Variants in MACC1 observed in about 807,000 individuals in gnomAD.
MACC1 encodes metastasis-associated in colon cancer protein 1.
In MACC1, 79 loss-of-function variants were observed where a neutral mutation model predicts 70.7. That is an observed-to-expected ratio of 1.12 (90% CI 0.93 to 1.35). The LOEUF is 1.35. Among genes scored for constraint, MACC1 ranks in the 40% most tolerant of loss-of-function variants. The probability of loss-of-function intolerance (pLI) is 0.00; values close to 1 mark genes in which losing one functional copy is unlikely to be tolerated. For synonymous variants in MACC1, 361 were observed against 347.2 expected (o/e 1.04, Z -0.44); for missense variants, 1,106 against 978.1 (o/e 1.13, Z -1.74).
chr7:20,194,991 GC>G (rs1782727760), intron 1 of MACC1, among the ~76,000 whole-genome samples: 1 of 152,052 alleles, frequency 6.6e-6, no homozygotes, highest in Non-Finnish European at 1.5e-5. Context: ...GAAAAAGCTT[GC>G]CCATTATGTC....
intron 1 of MACC1, among the ~76,000 whole-genome samples, chr7:20,214,799 T>C (rs1236562479): frequency 1.3e-5 from 2 of 152,186 alleles, no homozygotes; most frequent in African/African-American, 4.8e-5. Context: ...CTTAATGTTA[T>C]TGTTATTGAT....
At chr7:20,215,240 A>T (rs1373092374) in intron 1 of MACC1, among the ~76,000 whole-genome samples, 2 of 152,302 alleles carry the variant, frequency 1.3e-5, no homozygotes, top group African/African-American at 4.8e-5. Context: ...ATGAATTAGC[A>T]CTTACTCTCT....
chr7:20,175,827 A>C (rs1782382770), intron 1 of MACC1, among the ~76,000 whole-genome samples: 1 of 152,128 alleles, frequency 6.6e-6, no homozygotes. Context: ...CTGACGGTGA[A>C]GCTGGAGCAG....
In MACC1 at chr7:20,136,912, G is replaced by T. The variant is rs1034530734; in HGVS notation, c.*4034C>A. On this transcript the variant is annotated 3_prime_UTR_variant, in exon 7 of 7. Coordinates refer to ENST00000400331, the MANE Select transcript of MACC1 (RefSeq NM_182762.4). ...TTAAATTATATTATTAATTCTTAAA[G>T]ATTATTAATTATAATATTAAATTAT... 4.8e-5 allele frequency: 7 copies of T among 147,214 alleles called. No individual in the cohort carries two copies. The highest frequency in any genetic ancestry group is 3.9e-4 in the East Asian group (2 of 5,142). The allele number at this position is 147,214 out of a possible 1,614,324, so 9.1% of individuals were successfully genotyped here.
At chr7:20,197,973 G>T (rs572932059) in intron 1 of MACC1, among the ~76,000 whole-genome samples, 1 of 152,126 alleles carries the variant, frequency 6.6e-6, no homozygotes, top group African/African-American at 2.4e-5. Context: ...ATTTCAACAT[G>T]AACAATTTCA....
Position 20,170,782 on chromosome 7 carries a change from C to T in MACC1, c.-217-4G>A, listed in dbSNP as rs961008748. The T allele has an allele frequency of 2.6e-5, 4 of 152,194 alleles. No individual in the cohort carries two copies. Among genetic ancestry groups the T allele is most frequent in the African/African-American group, 9.7e-5 (4 of 41,442 alleles). The allele number at this position is 152,194 out of a possible 1,614,324, so 9.4% of individuals were successfully genotyped here. A position where few individuals can be genotyped will look rare whatever the true frequency, so the allele number is the denominator to read the frequency against. On this transcript the variant is annotated splice_polypyrimidine_tract_variant and splice_region_variant and intron_variant, in intron 1 of 6. Transcript: ENST00000400331. ...GCATATCATCTGACAAGGCTACCTA[C>T]TTGAAAGAGAATAAACATGAATCTT...
intron 1 of MACC1, among the ~76,000 whole-genome samples, chr7:20,209,372 G>A (rs1320018587): frequency 6.6e-6 from 1 of 152,254 alleles, no homozygotes; most frequent in African/African-American, 2.4e-5. Context: ...GGCCATAGGA[G>A]CCCACCTCTT....
chr7:20,188,102 C>T (rs1261773069), intron 1 of MACC1, among the ~76,000 whole-genome samples: 1 of 152,134 alleles, frequency 6.6e-6, no homozygotes, highest in African/African-American at 2.4e-5. Context: ...CACAAGATCT[C>T]CTGACAACTC....
intron 5 of MACC1, among the ~76,000 whole-genome samples, chr7:20,157,192 T>G (rs1165076726): frequency 2.6e-5 from 4 of 152,198 alleles, no homozygotes; most frequent in Admixed American, 6.5e-5. Context: ...AAATAAGCAC[T>G]AGAGAAGCAT....
At chr7:20,174,533 G>C (rs902996061) in intron 1 of MACC1, among the ~76,000 whole-genome samples, 11 of 152,104 alleles carry the variant, frequency 7.2e-5, no homozygotes, top group Admixed American at 3.9e-4. Flanking sequence ...ATAATGCCTT[G>C]TGTGGGTATA....
chr7:20,185,219 G>C (rs1477707819), intron 1 of MACC1: 5 of 152,156 alleles, frequency 3.3e-5, no homozygotes, highest in African/African-American at 1.2e-4. Context: ...AAGAAAGATT[G>C]CTCTTTCAAA....
intron 1 of MACC1, among the ~76,000 whole-genome samples, chr7:20,177,222 C>A (rs1203028756): frequency 6.6e-6 from 1 of 152,140 alleles, no homozygotes; most frequent in Non-Finnish European, 1.5e-5. Context: ...CGGAAATACA[C>A]AAGCACAGAA....
intron 1 of MACC1, among the ~76,000 whole-genome samples, chr7:20,180,890 A>C (rs1782494051): frequency 6.6e-6 from 1 of 152,174 alleles, no homozygotes; most frequent in Non-Finnish European, 1.5e-5. Flanking sequence ...ATGATTCATT[A>C]AGAAGGCAAA....
At position 20,187,749 on chromosome 7, in the gene MACC1, T is replaced by C. The variant is rs188384829; in HGVS notation, c.-217-16971A>G. 8.0e-3 allele frequency among the ~76,000 whole-genome samples: 1,221 copies of C among 152,294 alleles called. 12 individuals are homozygous for C. The highest frequency in any genetic ancestry group is 9.8e-3 in the Non-Finnish European group (669 of 68,018). ...CTGGGCTCTTCATGCTGCCAGACAA[T>C]GCAACTTTATGTTTCTGGTACATAC... is the stretch of plus-strand genomic sequence containing the variant. On this transcript the variant is annotated intron_variant, in intron 1 of 6. Coordinates refer to ENST00000400331, the MANE Select transcript of MACC1 (RefSeq NM_182762.4).
chr7:20,148,095 T>C lies in MACC1; in HGVS notation c.2346+6098A>G, dbSNP rs10486382. 6.1e-3 allele frequency among the ~76,000 whole-genome samples: 934 copies of C among 152,342 alleles called. 11 individuals are homozygous for C. The highest frequency in any genetic ancestry group is 0.021 in the African/African-American group (879 of 41,580). ...CACATCTTGGTTTAAATCTAGACTC[T>C]TGGTTTAGTAGCTCCAGGATCTTAG... is the stretch of plus-strand genomic sequence containing the variant. On this transcript the variant is annotated intron_variant, in intron 6 of 6. Transcript: ENST00000400331.
chr7:20,183,341 A>G (rs946780341), intron 1 of MACC1, among the ~76,000 whole-genome samples: 1 of 152,230 alleles, frequency 6.6e-6, no homozygotes, highest in African/African-American at 2.4e-5. Context: ...TACAGCTGCA[A>G]GAAACTAATT....
intron 1 of MACC1, chr7:20,184,944 T>A (rs1782562012): frequency 1.3e-5 from 2 of 152,178 alleles, no homozygotes; most frequent in Admixed American, 6.5e-5. Flanking sequence ...TTAAACATTA[T>A]TATACTAAGT....
At chr7:20,193,551 G>T (rs984244845) in intron 1 of MACC1, among the ~76,000 whole-genome samples, 2 of 152,124 alleles carry the variant, frequency 1.3e-5, no homozygotes, top group Non-Finnish European at 2.9e-5. Flanking sequence ...TCCTGTTATA[G>T]ACAATGGTAA....
intron 6 of MACC1, among the ~76,000 whole-genome samples, chr7:20,152,478 C>T (rs995915533): frequency 7.2e-5 from 11 of 152,086 alleles, no homozygotes; most frequent in African/African-American, 9.7e-5. Flanking sequence ...TGACCTCGTA[C>T]GTAAGATTTC....
Sources: allele counts gnomAD v4.1 joint callset (sites outside exome capture counted in the v4.1 genomes callset), GRCh38; gene constraint gnomAD v4.1.1; transcripts MANE v1.5; gene names NCBI Gene and HGNC (gene_info 2026-07-23, HGNC 2026-07-21).